ARHGAP31: variants seen among roughly 807,000 people sequenced by gnomAD.
The protein encoded by ARHGAP31 is Rho GTPase activating protein 31.
Under a neutral mutation model 113.9 loss-of-function variants are expected in ARHGAP31, and 34 were observed. The ratio of observed to expected loss-of-function variants is 0.30; its 90% confidence interval spans 0.23 to 0.40. The LOEUF (loss-of-function observed/expected upper bound fraction) is 0.40. ARHGAP31 is among the 10% of genes least tolerant of loss of function. ARHGAP31 has a pLI of 1.00. For missense variants in ARHGAP31, 1,548 were observed against 1,767.1 expected (o/e 0.88, Z 2.22); for synonymous variants, 650 against 684.8 (o/e 0.95, Z 0.79).
chr3:119,322,729 T>G (rs1420646861), intron 1 of ARHGAP31: 1 of 153,064 alleles, frequency 6.5e-6, no homozygotes, highest in Non-Finnish European at 1.5e-5. Flanking sequence ...CTTCACTCGC[T>G]TCCCCTCGAG....
chr3:119,325,658 TG>T (rs1576994802), intron 1 of ARHGAP31, among the ~76,000 whole-genome samples: 1 of 33,948 alleles, frequency 2.9e-5, no homozygotes, highest in Non-Finnish European at 5.7e-5. Flanking sequence ...TGGCGGGGGT[TG>T]GGGGGGAAGG....
chr3:119,301,477 G>GT (rs139039876), intron 1 of ARHGAP31, among the ~76,000 whole-genome samples: 3,132 of 152,308 alleles, frequency 0.021, 103 homozygotes, highest in African/African-American at 0.071. Context: ...TAGAGCTGTA[G>GT]TTTTTGATGC....
At chr3:119,331,772 G>T (rs1252505246) in intron 1 of ARHGAP31, among the ~76,000 whole-genome samples, 2 of 152,132 alleles carry the variant, frequency 1.3e-5, no homozygotes, top group Non-Finnish European at 2.9e-5. Flanking sequence ...TGAAAATCAG[G>T]GCTGTCTTAA....
At chr3:119,377,067 G>A (rs989413025) in intron 3 of ARHGAP31, among the ~76,000 whole-genome samples, 4 of 152,212 alleles carry the variant, frequency 2.6e-5, no homozygotes, top group Non-Finnish European at 4.4e-5. Context: ...TGGCCCAAAT[G>A]TGGCTGTTTA....
chr3:119,386,807 G>A (rs1301087999), intron 6 of ARHGAP31, among the ~76,000 whole-genome samples: 4 of 152,246 alleles, frequency 2.6e-5, no homozygotes, highest in Non-Finnish European at 5.9e-5. Flanking sequence ...CACTGGACAG[G>A]GGGCCCTTCC....
intron 10 of ARHGAP31, among the ~76,000 whole-genome samples, chr3:119,402,935 A>G (rs2080625778): frequency 6.6e-6 from 1 of 152,206 alleles, no homozygotes; most frequent in Admixed American, 6.5e-5. Context: ...ATTTTCTGAT[A>G]TCAAATGCAG....
intron 1 of ARHGAP31, among the ~76,000 whole-genome samples, chr3:119,313,857 C>T (rs969554270): frequency 2.6e-5 from 4 of 152,180 alleles, no homozygotes; most frequent in African/African-American, 9.7e-5. Context: ...GATGCTGTAG[C>T]CAGAGTATAT....
chr3:119,340,796 C>T (rs768444882), intron 1 of ARHGAP31, among the ~76,000 whole-genome samples: 1 of 152,150 alleles, frequency 6.6e-6, no homozygotes, highest in Non-Finnish European at 1.5e-5. Flanking sequence ...TTTTGTTGAC[C>T]ATGTGGCTGA....
At chr3:119,386,624 G>C (rs1266240091) in intron 6 of ARHGAP31, among the ~76,000 whole-genome samples, 2 of 152,196 alleles carry the variant, frequency 1.3e-5, no homozygotes, top group African/African-American at 4.8e-5. Flanking sequence ...CAAGACAAAG[G>C]GATAAGAGAA....
At chr3:119,411,304 G>A (rs1397142255) in intron 11 of ARHGAP31, among the ~76,000 whole-genome samples, 1 of 152,184 alleles carries the variant, frequency 6.6e-6, no homozygotes, top group Non-Finnish European at 1.5e-5. Context: ...GAATGCATCA[G>A]GAGGGGAGTA....
rs2080764193 is a variant in ARHGAP31 at position 119,415,292 on chromosome 3, T to A, written c.3363T>A (p.Phe1121Leu). The A allele has an allele frequency of 3.7e-6, 6 of 1,614,166 alleles. No individual in the cohort carries two copies. The highest frequency in any genetic ancestry group is 4.5e-5 in the East Asian group (2 of 44,884). ...PAIPIADLFW[F>L]ENVASFSSPG... ...TTCCCATTGCTGACCTCTTCTGGTT[T>A]GAGAATGTGGCCTCATTTAGTTCAC... Residue 1121 changes from phenylalanine to leucine, a missense_variant, in exon 12 of 12, where the codon TTT (phenylalanine) becomes TTA (leucine). Physicochemically the swap from Phe to Leu is conservative, Grantham distance 22 (BLOSUM62 0). Coordinates refer to ENST00000264245, the MANE Select transcript of ARHGAP31 (RefSeq NM_020754.4).
intron 10 of ARHGAP31, among the ~76,000 whole-genome samples, chr3:119,404,354 C>T (rs560546928): frequency 3.7e-4 from 57 of 152,300 alleles, no homozygotes; most frequent in Middle Eastern, 3.4e-3. Flanking sequence ...GAGACTCCAG[C>T]CTGCCTTCCT....
At chr3:119,323,362 C>T (rs1052754467) in intron 1 of ARHGAP31, among the ~76,000 whole-genome samples, 2 of 152,190 alleles carry the variant, frequency 1.3e-5, no homozygotes, top group African/African-American at 4.8e-5. Flanking sequence ...GGATGGGCTT[C>T]TCGCGCCCCA....
chr3:119,365,050 C>T lies in ARHGAP31; in HGVS notation c.101-266C>T, dbSNP rs933603156. Among the ~76,000 whole-genome samples the T allele has an allele frequency of 5.3e-5, 8 of 152,028 alleles. No individual in the cohort carries two copies. The East Asian group carries it at 5.8e-4, about 11-fold the overall frequency. The stretch of plus-strand genomic sequence containing the variant: ...TGGAGGTTGAAGTGAGCCAAGATTG[C>T]GCCACTGCACTCCAGCCTGGGCAAC... On this transcript the variant is annotated intron_variant, in intron 1 of 11. Transcript: ENST00000264245.
At chr3:119,302,205 G>C (rs1210532300) in intron 1 of ARHGAP31, among the ~76,000 whole-genome samples, 3 of 152,218 alleles carry the variant, frequency 2.0e-5, no homozygotes, top group Non-Finnish European at 4.4e-5. Context: ...CTGGCCTCAA[G>C]TACTGATTCA....
rs2080579998 is a variant in ARHGAP31, at chr3:119,399,352, A to G, written c.1069+91A>G. On this transcript the variant is annotated intron_variant, in intron 9 of 11. Coordinates refer to ENST00000264245, the MANE Select transcript of ARHGAP31 (RefSeq NM_020754.4). ...TATAAGCTGTCATGCCTGCTTCTCT[A>G]TAGTCACAGTCACACACAACTACCT... 4.5e-6 allele frequency: 5 copies of G among 1,110,024 alleles called. No individual in the cohort carries two copies. The Admixed American group carries it at 9.2e-5, about 20-fold the overall frequency. The allele number at this position is 1,110,024 out of a possible 1,614,324, so 68.8% of individuals were successfully genotyped here.
chr3:119,390,556 G>A (rs2080494704), intron 6 of ARHGAP31, among the ~76,000 whole-genome samples: 1 of 152,206 alleles, frequency 6.6e-6, no homozygotes, highest in African/African-American at 2.4e-5. Context: ...AGTATGGAAG[G>A]TGCAGCTACC....
intron 10 of ARHGAP31, among the ~76,000 whole-genome samples, chr3:119,408,070 G>C (rs1317905387): frequency 1.4e-5 from 2 of 139,790 alleles, no homozygotes; most frequent in Admixed American, 1.4e-4. Context: ...GCAACCTAGA[G>C]ATAATATTAC....
chr3:119,389,885 G>T (rs1412961705), intron 6 of ARHGAP31, among the ~76,000 whole-genome samples: 1 of 152,190 alleles, frequency 6.6e-6, no homozygotes, highest in African/African-American at 2.4e-5. Flanking sequence ...CAGCACTATT[G>T]ATATTGAGTG....
Sources: gnomAD v4.1 joint callset for allele counts (sites outside exome capture counted in the v4.1 genomes callset) on GRCh38, gnomAD v4.1.1 for gene constraint, MANE v1.5 for transcripts, NCBI Gene and HGNC (gene_info 2026-07-23, HGNC 2026-07-21) for gene names.